Variants in VAT1L observed in about 807,000 individuals in gnomAD.
VAT1L encodes vesicle amine transport 1 like, also known as putative NADPH-dependent quinone oxidoreductase VAT1L.
Under a neutral mutation model 44.1 loss-of-function variants are expected in VAT1L, and 34 were observed. The ratio of observed to expected loss-of-function variants is 0.77; its 90% CI spans 0.59 to 1.03. The LOEUF (loss-of-function observed/expected upper bound fraction) is 1.03. Among genes scored for constraint, VAT1L ranks in the 50% least tolerant of loss-of-function variants. The pLI is 0.00. For missense variants in VAT1L, 615 were observed against 538.8 expected (o/e 1.14, Z -1.40); for synonymous variants, 253 against 202.2 (o/e 1.25, Z -2.13).
rs1014006007 is a variant in VAT1L at position 77,879,079 on chromosome 16, C to T, written c.827-90C>T. On this transcript the variant is annotated intron_variant, in intron 5 of 8. Coordinates refer to ENST00000302536, the MANE Select transcript of VAT1L (RefSeq NM_020927.3). The surrounding 1 kb of genome is among the most constrained non-coding windows in gnomAD (Gnocchi z 4.1). The stretch of plus-strand genomic sequence containing the variant: ...TTTGTTTTCAAGATTTCTCCAGTTC[C>T]GGACCAAACAATTGCCATTTTTTTC... The T allele has an allele frequency of 1.6e-4, 213 of 1,353,228 alleles. No individual in the cohort carries two copies. The highest frequency in any genetic ancestry group is 3.5e-4 in the East Asian group (15 of 43,448). 83.8% of individuals were successfully genotyped at this position (1,353,228 alleles called of 1,614,324 possible).
intron 2 of VAT1L, among the ~76,000 whole-genome samples, chr16:77,820,249 A>G (rs1055304204): frequency 1.3e-5 from 2 of 152,104 alleles, no homozygotes; most frequent in Non-Finnish European, 2.9e-5. Flanking sequence ...GGAGATGACA[A>G]TAGTCATGGT....
intron 4 of VAT1L, among the ~76,000 whole-genome samples, chr16:77,863,966 A>T (rs2016942987): frequency 6.6e-6 from 1 of 152,174 alleles, no homozygotes; most frequent in African/African-American, 2.4e-5. Context: ...GGATGGGTAG[A>T]GGGAGGCTGG....
At chr16:77,874,032 A>G (rs1477280900) in intron 4 of VAT1L, among the ~76,000 whole-genome samples, 1 of 152,180 alleles carries the variant, frequency 6.6e-6, no homozygotes, top group Non-Finnish European at 1.5e-5. Flanking sequence ...GGACTAATAC[A>G]AGGAGATATG....
intron 7 of VAT1L, among the ~76,000 whole-genome samples, chr16:77,898,361 T>C (rs1198153471): frequency 6.6e-6 from 1 of 152,194 alleles, no homozygotes; most frequent in Non-Finnish European, 1.5e-5. Context: ...TAACAAACTA[T>C]GAGTCACATA....
At chr16:77,948,210 C>G (rs533682076) in intron 7 of VAT1L, among the ~76,000 whole-genome samples, 2 of 152,342 alleles carry the variant, frequency 1.3e-5, no homozygotes, top group East Asian at 3.9e-4. Context: ...CACCTTCCCT[C>G]TTCTCCTGGC....
intron 8 of VAT1L, among the ~76,000 whole-genome samples, chr16:77,973,272 A>C (rs1309845286): frequency 6.6e-6 from 1 of 152,134 alleles, no homozygotes; most frequent in Admixed American, 6.6e-5. Context: ...GCATTGTCTG[A>C]TATGTACTAA....
chr16:77,941,713 G>C (rs958181069), intron 7 of VAT1L, among the ~76,000 whole-genome samples: 1 of 152,096 alleles, frequency 6.6e-6, no homozygotes, highest in Non-Finnish European at 1.5e-5. Flanking sequence ...AGCCTCATGA[G>C]TAGCTGGGAT....
intron 1 of VAT1L, among the ~76,000 whole-genome samples, chr16:77,803,016 C>T (rs2016092047): frequency 6.6e-6 from 1 of 152,154 alleles, no homozygotes; most frequent in South Asian, 2.1e-4. Flanking sequence ...CAAATCATTC[C>T]TAGGTATTTT....
In VAT1L at chr16:77,872,712, T is replaced by C. The variant is rs76060454; in HGVS notation, c.723-3658T>C. ...CCCTCAACAGAGGGTCATCTTCCAATGCTCGTAAGTTGCTCTATTGGAGCA... is the reference window on the plus strand; with the variant it reads ...CCCTCAACAGAGGGTCATCTTCCAACGCTCGTAAGTTGCTCTATTGGAGCA... On this transcript the variant is annotated intron_variant, in intron 4 of 8. Transcript: ENST00000302536. Among the ~76,000 whole-genome samples, 1,510 of 152,304 alleles carry C rather than the reference T, an allele frequency of 9.9e-3. 19 individuals are homozygous for C. The highest frequency in any genetic ancestry group is 0.071 in the South Asian group (342 of 4,812).
chr16:77,926,175 C>T (rs1313732437), intron 7 of VAT1L, among the ~76,000 whole-genome samples: 1 of 149,234 alleles, frequency 6.7e-6, no homozygotes, highest in Admixed American at 6.7e-5. Flanking sequence ...GTGGCGTGAA[C>T]CCGGGAGGCG....
At position 77,953,625 on chromosome 16, in the gene VAT1L, C is replaced by T. The variant is rs562110593; in HGVS notation, c.1078-18225C>T. 3.9e-5 allele frequency among the ~76,000 whole-genome samples: 6 copies of T among 152,224 alleles called. No individual in the cohort carries two copies. The East Asian group carries it at 5.8e-4, about 15-fold the overall frequency. ...GTGCAATCACAGCTCACTGCGGTCT[C>T]GAACTCCTGGGGGCTCAGCCTCCCA... On this transcript the variant is annotated intron_variant, in intron 7 of 8. Coordinates refer to ENST00000302536, the MANE Select transcript of VAT1L (RefSeq NM_020927.3).
intron 7 of VAT1L, among the ~76,000 whole-genome samples, chr16:77,950,378 C>T (rs940019995): frequency 6.9e-6 from 1 of 145,588 alleles, no homozygotes; most frequent in African/African-American, 2.6e-5. Context: ...CACTGCACTC[C>T]AGCCTGGGCG....
chr16:77,956,814 G>A (rs2018109444), intron 7 of VAT1L, among the ~76,000 whole-genome samples: 1 of 152,128 alleles, frequency 6.6e-6, no homozygotes, highest in Non-Finnish European at 1.5e-5. Flanking sequence ...CTATACTTTA[G>A]TCTGTTCCCC....
intron 3 of VAT1L, among the ~76,000 whole-genome samples, chr16:77,849,874 G>A (rs939290200): frequency 6.6e-5 from 10 of 152,308 alleles, no homozygotes; most frequent in Admixed American, 2.6e-4. Context: ...AAAGAGTCCC[G>A]ATGTCTGATC....
intron 7 of VAT1L, among the ~76,000 whole-genome samples, chr16:77,913,034 C>T (rs1044418803): frequency 1.3e-5 from 2 of 152,160 alleles, no homozygotes; most frequent in Non-Finnish European, 2.9e-5. Context: ...TCAGGTGTTA[C>T]GGCTTCAACA....
At chr16:77,794,148 C>T (rs977735741) in intron 1 of VAT1L, among the ~76,000 whole-genome samples, 4 of 152,234 alleles carry the variant, frequency 2.6e-5, no homozygotes, top group Non-Finnish European at 4.4e-5. Context: ...CAGAGAGACA[C>T]ACACACAAAT....
At chr16:77,921,859 T>A (rs2017615332) in intron 7 of VAT1L, among the ~76,000 whole-genome samples, 1 of 134,420 alleles carries the variant, frequency 7.4e-6, no homozygotes, top group South Asian at 2.3e-4. Context: ...TCCTCCCACC[T>A]CAGCCTCCCG....
chr16:77,919,677 C>T (rs768639627), intron 7 of VAT1L, among the ~76,000 whole-genome samples: 4 of 152,200 alleles, frequency 2.6e-5, no homozygotes, highest in Admixed American at 6.5e-5. Context: ...ATATCCCTCG[C>T]TTTCTAAATG....
chr16:77,955,380 A>G (rs2142528523), intron 7 of VAT1L, among the ~76,000 whole-genome samples: 1 of 152,232 alleles, frequency 6.6e-6, no homozygotes, highest in East Asian at 1.9e-4. Flanking sequence ...CCCCACAACA[A>G]AGAGTTATCT....
Sources: allele counts gnomAD v4.1 joint callset (sites outside exome capture counted in the v4.1 genomes callset), GRCh38; gene constraint gnomAD v4.1.1; non-coding constraint Gnocchi (gnomAD v3.1); transcripts MANE v1.5; gene names NCBI Gene and HGNC (gene_info 2026-07-23, HGNC 2026-07-21).